The following ATP6V0D1 variants were observed in gnomAD, a reference collection of about 807,000 sequenced individuals.
ATP6V0D1 encodes ATPase H+ transporting V0 subunit d1, also known as V-type proton ATPase subunit d 1.
Under a neutral mutation model 39.0 loss-of-function variants are expected in ATP6V0D1, and 13 were observed. The ratio of observed to expected loss-of-function variants is 0.33; its 90% CI spans 0.22 to 0.53. The LOEUF (loss-of-function observed/expected upper bound fraction) is 0.53, where lower values mean the gene tolerates loss of function less well. ATP6V0D1 is among the 20% of genes least tolerant of loss of function. ATP6V0D1 has a pLI of 0.94. For missense variants in ATP6V0D1, 272 were observed against 470.9 expected (o/e 0.58, Z 3.91); for synonymous variants, 191 against 191.2 (o/e 1.00, Z 0.01).
chr16:67,448,402 G>A (rs2041141418), intron 2 of ATP6V0D1, among the ~76,000 whole-genome samples: 1 of 152,118 alleles, frequency 6.6e-6, no homozygotes, highest in Non-Finnish European at 1.5e-5. Flanking sequence ...GCTCATGCCT[G>A]TTATCCCAGC....
chr16:67,476,981 C>T (rs1253144862), intron 1 of ATP6V0D1, among the ~76,000 whole-genome samples: 1 of 140,128 alleles, frequency 7.1e-6, no homozygotes, highest in African/African-American at 2.8e-5. Context: ...TGCAGTGAGC[C>T]GAGATGTCCA....
In ATP6V0D1 at chr16:67,453,604, T is replaced by C; in HGVS notation, c.242A>G (p.Glu81Gly). The change falls in exon 2 of 8, where the codon GAG (glutamate) becomes GGG (glycine). Residue 81 changes from glutamate (E) to glycine (G), a missense_variant. This residue lies in a region of ATP6V0D1 where 135 missense variants were observed against 273.8 expected (regional missense o/e 0.49). Transcript: ENST00000290949. The surrounding 1 kb of genome is among the most constrained non-coding windows in gnomAD (Gnocchi z 4.1). ...DDRLKEKMVV[E>G]FRHMRNHAYE... is the part of the protein sequence containing the mutation. ...GGCATGGTTCCTCATGTGGCGGAAC[T>C]CCACCACCATCTTCTCCTTGAGCCG... 1 of 1,614,192 alleles carries C rather than the reference T, an allele frequency of 6.2e-7. No homozygotes were observed. The highest frequency in any genetic ancestry group is 8.5e-7 in the Non-Finnish European group (1 of 1,180,024).
intron 1 of ATP6V0D1, among the ~76,000 whole-genome samples, chr16:67,461,860 G>C (rs992835102): frequency 6.6e-6 from 1 of 152,170 alleles, no homozygotes; most frequent in Non-Finnish European, 1.5e-5. Context: ...TGTCTGCCCT[G>C]GGTTCATCAC....
intron 1 of ATP6V0D1, among the ~76,000 whole-genome samples, chr16:67,462,700 T>C (rs2041298129): frequency 6.6e-6 from 1 of 152,196 alleles, no homozygotes; most frequent in South Asian, 2.1e-4. Flanking sequence ...CAGTGGTACA[T>C]GCCTGTAGTC....
chr16:67,476,641 T>C (rs1031235277), intron 1 of ATP6V0D1, among the ~76,000 whole-genome samples: 5 of 152,198 alleles, frequency 3.3e-5, no homozygotes, highest in African/African-American at 1.2e-4. Flanking sequence ...AGAATAGCAC[T>C]ATTTTGCAAC....
At chr16:67,462,140 C>T (rs372663224) in intron 1 of ATP6V0D1, among the ~76,000 whole-genome samples, 3 of 152,178 alleles carry the variant, frequency 2.0e-5, no homozygotes, top group South Asian at 2.1e-4. Flanking sequence ...CTGGACAGCC[C>T]GTCACCAGGC....
intron 1 of ATP6V0D1, chr16:67,454,844 C>G (rs1243379078): frequency 6.6e-6 from 1 of 152,338 alleles, no homozygotes; most frequent in East Asian, 1.9e-4. Context: ...GCCATTCCCC[C>G]ATGCTCACTA....
Position 67,444,603 on chromosome 16 carries a change from C to T in ATP6V0D1, c.406G>A (p.Glu136Lys). The T allele has an allele frequency of 6.2e-7, 1 of 1,613,572 alleles. No individual in the cohort carries two copies. The highest frequency in any genetic ancestry group is 1.1e-5 in the South Asian group (1 of 91,044). The change falls in exon 3 of 8, where the codon GAG becomes AAG. Residue 136 changes from glutamate (E) to lysine (K), a missense_variant. Physicochemically the swap from Glu to Lys is moderately conservative, Grantham distance 56 (BLOSUM62 1). Around this residue, in one of 4 missense-constraint regions of ATP6V0D1, gnomAD observed 135 missense variants for 273.8 expected, o/e 0.49. Coordinates refer to ENST00000290949, the MANE Select transcript of ATP6V0D1 (RefSeq NM_004691.5). This position sits in a 1 kb window ranked among gnomAD's most constrained non-coding sequence, Gnocchi z 4.8. ...GCAATGTTCACGGCCTCCATCTGCT[C>T]GAAGCTGCCTAGTGGGTGGCACTTG... ...VPKCHPLGSF[E>K]QMEAVNIAQT...
intron 1 of ATP6V0D1, chr16:67,459,197 G>A (rs936183140): frequency 2.3e-5 from 23 of 985,504 alleles, no homozygotes; most frequent in South Asian, 4.7e-5. Flanking sequence ...ACAGGCTGCC[G>A]GAGAGAGAAG....
intron 1 of ATP6V0D1, among the ~76,000 whole-genome samples, chr16:67,460,908 C>A (rs1286510352): frequency 6.6e-6 from 1 of 152,220 alleles, no homozygotes; most frequent in Admixed American, 6.5e-5. Flanking sequence ...CCACAAGGAC[C>A]TGGGTTCAAA....
At chr16:67,478,305 T>G (rs1453286294) in intron 1 of ATP6V0D1, among the ~76,000 whole-genome samples, 1 of 152,080 alleles carries the variant, frequency 6.6e-6, no homozygotes, top group African/African-American at 2.4e-5. Context: ...GCATGAGGGA[T>G]ATGAGGGATA....
intron 1 of ATP6V0D1, chr16:67,459,248 T>C (rs962580433): frequency 2.5e-5 from 25 of 985,382 alleles, no homozygotes; most frequent in Admixed American, 6.1e-5. Flanking sequence ...CTCAGGCCCA[T>C]AGAGAGGCTG....
intron 1 of ATP6V0D1, among the ~76,000 whole-genome samples, chr16:67,465,406 C>T (rs1373820148): frequency 2.6e-5 from 4 of 152,192 alleles, no homozygotes; most frequent in Non-Finnish European, 5.9e-5. Context: ...AAAATTCATC[C>T]TCTGTCCTGA....
At chr16:67,459,650 C>T (rs527841645) in intron 1 of ATP6V0D1, among the ~76,000 whole-genome samples, 3 of 152,374 alleles carry the variant, frequency 2.0e-5, no homozygotes, top group Non-Finnish European at 4.4e-5. Flanking sequence ...GCCCTGCCCC[C>T]GCCCACTTCC....
intron 1 of ATP6V0D1, among the ~76,000 whole-genome samples, chr16:67,467,008 C>G (rs978631245): frequency 2.0e-5 from 3 of 152,144 alleles, no homozygotes; most frequent in Non-Finnish European, 4.4e-5. Context: ...TCCCTCTCAG[C>G]CAGACCCTCC....
Position 67,470,210 on chromosome 16 carries a change from G to C in ATP6V0D1, c.130+10747C>G, listed in dbSNP as rs971230074. Among the ~76,000 whole-genome samples, 9 of 152,178 alleles carry C rather than the reference G, an allele frequency of 5.9e-5. No homozygotes were observed. In the East Asian group the frequency reaches 1.2e-3, roughly 19 times the overall value. On this transcript the variant is annotated intron_variant, in intron 1 of 7. Coordinates refer to ENST00000290949, the MANE Select transcript of ATP6V0D1 (RefSeq NM_004691.5). ...TAATCTACGGGACACAATCTTATAA[G>C]TTGGGTTGCAGGGTCGCACGGTATA...
At position 67,438,518 on chromosome 16, in the gene ATP6V0D1, G is replaced by C. The variant is rs771325385; in HGVS notation, c.*10C>G. ...ACAAAGAGTGCAATTGAGAGCCTTG[G>C]GCCAGGACGCTAGAAGATAGGGATG... On this transcript the variant is annotated 3_prime_UTR_variant, in exon 8 of 8. Coordinates refer to ENST00000290949, the MANE Select transcript of ATP6V0D1 (RefSeq NM_004691.5). The C allele has an allele frequency of 6.2e-6, 10 of 1,613,960 alleles. No homozygotes were observed. The South Asian group carries it at 1.1e-4, about 18-fold the overall frequency.
intron 2 of ATP6V0D1, among the ~76,000 whole-genome samples, chr16:67,448,187 T>TA (rs749136247): frequency 2.0e-5 from 3 of 151,346 alleles, no homozygotes; most frequent in African/African-American, 4.9e-5. Flanking sequence ...TCATTTCTAT[T>TA]AAAAAATCAA....
At chr16:67,438,946 C>CT (rs1199664907) in intron 6 of ATP6V0D1, 25 bp downstream of exon 6, 1 of 1,613,452 alleles carries the variant, frequency 6.2e-7, no homozygotes, top group Non-Finnish European at 8.5e-7. Context: ...CATCCAACCG[C>CT]TGTCCTGCCA....
Sources: allele counts gnomAD v4.1 joint callset (sites outside exome capture counted in the v4.1 genomes callset), GRCh38; gene constraint gnomAD v4.1.1; regional missense constraint gnomAD v4.1.1; non-coding constraint Gnocchi (gnomAD v3.1); transcripts MANE v1.5; gene names NCBI Gene and HGNC (gene_info 2026-07-23, HGNC 2026-07-21).